The following ANO3 variants were observed in gnomAD, a reference collection of about 807,000 sequenced individuals.
ANO3 encodes anoctamin 3, also known as anoctamin-3.
Under a neutral mutation model 144.8 loss-of-function variants are expected in ANO3, and 99 were observed. The observed-to-expected ratio is 0.68, with a 90% CI of 0.58 to 0.81. The LOEUF is 0.81. Among genes scored for constraint, ANO3 ranks in the 30% least tolerant of loss-of-function variants. The pLI, the probability that ANO3 is intolerant of heterozygous loss-of-function variation, is 0.00. For missense variants in ANO3, 905 were observed against 1,202.2 expected, an observed-to-expected ratio of 0.75 and a Z score of 3.66; for synonymous variants, 414 against 392.6, an observed-to-expected ratio of 1.05 and a Z score of -0.64.
chr11:26,629,084 G>A (rs986898898), intron 18 of ANO3, among the ~76,000 whole-genome samples: 2 of 152,114 alleles, frequency 1.3e-5, no homozygotes, highest in Non-Finnish European at 2.9e-5. Context: ...ACTTGGAGGA[G>A]TAGTTCACTG....
intron 16 of ANO3, 74 bp from the exon 17 acceptor site, chr11:26,599,476 T>A: frequency 7.0e-7 from 1 of 1,429,426 alleles, no homozygotes; most frequent in Non-Finnish European, 9.6e-7. Context: ...GACAGTAGAT[T>A]TGATCTACGG....
chr11:26,525,373 G>T (rs1849135434), intron 6 of ANO3, among the ~76,000 whole-genome samples: 1 of 151,028 alleles, frequency 6.6e-6, no homozygotes, highest in Admixed American at 6.6e-5. Flanking sequence ...TCAATAAATA[G>T]AATTAAAAAT....
At chr11:26,411,461 A>G (rs2133986234) in intron 1 of ANO3, among the ~76,000 whole-genome samples, 1 of 152,076 alleles carries the variant, frequency 6.6e-6, no homozygotes, top group African/African-American at 2.4e-5. Context: ...CAAATATTAG[A>G]TAGTATAGAA....
At chr11:26,374,437 C>G (rs1416915592) in intron 1 of ANO3, among the ~76,000 whole-genome samples, 2 of 152,116 alleles carry the variant, frequency 1.3e-5, no homozygotes, top group African/African-American at 4.8e-5. Flanking sequence ...AGGCTCTTGT[C>G]TACTACTGGA....
At chr11:26,329,658 C>G (rs3824857), upstream of ANO3, among the ~76,000 whole-genome samples, 54,542 of 152,036 alleles carry the variant, frequency 0.36, 11,574 homozygotes, top group Admixed American at 0.51. Flanking sequence ...GGTTCAAAAT[C>G]TCAACTCATT....
intron 5 of ANO3, among the ~76,000 whole-genome samples, chr11:26,509,101 C>CTT (rs1429547098): frequency 1.8e-5 from 2 of 108,954 alleles, no homozygotes; most frequent in African/African-American, 6.4e-5. Context: ...CTATCTCTCT[C>CTT]TCTCTATATA....
chr11:26,386,250 G>A (rs1450638701), intron 1 of ANO3, among the ~76,000 whole-genome samples: 2 of 152,106 alleles, frequency 1.3e-5, no homozygotes, highest in East Asian at 3.9e-4. Context: ...TGAATAAGTA[G>A]GAATATATCA....
chr11:26,608,715 CTCTGGCTGCAG>C (rs1335295629), intron 17 of ANO3, among the ~76,000 whole-genome samples: 1 of 152,122 alleles, frequency 6.6e-6, no homozygotes, highest in Non-Finnish European at 1.5e-5. Flanking sequence ...TGAAGAGGTA[CTCTGGCTGCAG>C]TCTGCCACAG....
At chr11:26,542,479 T>G (rs193122803) in intron 11 of ANO3, among the ~76,000 whole-genome samples, 2 of 152,098 alleles carry the variant, frequency 1.3e-5, no homozygotes, top group East Asian at 3.9e-4. Context: ...CCTTCTACCT[T>G]TGAGTGGTCT....
chr11:26,193,510 C>T (rs1025887338), intron 1 of ANO3, among the ~76,000 whole-genome samples: 25 of 152,138 alleles, frequency 1.6e-4, no homozygotes, highest in Admixed American at 6.6e-5. Flanking sequence ...CTTCCACATT[C>T]TCATGTTTCA....
At chr11:26,210,531 C>T (rs34006492) in intron 1 of ANO3, among the ~76,000 whole-genome samples, 46,002 of 151,952 alleles carry the variant, frequency 0.3, 7,707 homozygotes, top group Non-Finnish European at 0.37. Flanking sequence ...AAGTGAATGG[C>T]AGCTTCATGA....
intron 11 of ANO3, among the ~76,000 whole-genome samples, chr11:26,544,273 T>TATATATATATATACACACACACACAC: frequency 5.1e-5 from 3 of 58,564 alleles, no homozygotes; most frequent in African/African-American, 1.5e-4. Flanking sequence ...TATATATATA[T>TATATATATATATACACACACACACAC]ACACACATAC....
intron 6 of ANO3, among the ~76,000 whole-genome samples, chr11:26,523,603 C>G (rs1211843295): frequency 6.6e-6 from 1 of 151,600 alleles, no homozygotes; most frequent in Non-Finnish European, 1.5e-5. Context: ...AGTTAATGCT[C>G]TCAGAAGAGA....
intron 11 of ANO3, among the ~76,000 whole-genome samples, chr11:26,543,349 C>G (rs1046758787): frequency 1.3e-5 from 2 of 151,958 alleles, no homozygotes; most frequent in Non-Finnish European, 2.9e-5. Context: ...GGGAACAAAG[C>G]TTATAGAGTC....
At chr11:26,381,561 T>G (rs1482919192) in intron 1 of ANO3, among the ~76,000 whole-genome samples, 1 of 152,204 alleles carries the variant, frequency 6.6e-6, no homozygotes, top group Non-Finnish European at 1.5e-5. Context: ...TCTCATCCCA[T>G]TTGAATGTAA....
chr11:26,344,402 G>A (rs1382105115), intron 1 of ANO3, among the ~76,000 whole-genome samples: 7 of 132,546 alleles, frequency 5.3e-5, no homozygotes, highest in Non-Finnish European at 9.2e-5. Context: ...GTCTCACTCT[G>A]TCGCCCAGGC....
Position 26,567,153 on chromosome 11 carries a change from G to A in ANO3, c.1447+7374G>A, listed in dbSNP as rs922863320. The A allele has an allele frequency of 2.9e-6, 4 of 1,380,466 alleles. No homozygotes were observed. The Admixed American group carries it at 1.1e-4, about 39-fold the overall frequency. The allele number at this position is 1,380,466 out of a possible 1,614,324, so 85.5% of individuals were successfully genotyped here. A position where few individuals can be genotyped will look rare whatever the true frequency, so the allele number is the denominator to read the frequency against. On this transcript the variant is annotated intron_variant, in intron 14 of 26. Coordinates refer to ENST00000256737, the MANE Select transcript of ANO3 (RefSeq NM_031418.4). ...TAGTAACAGAAGCTGGAAAATGGAA[G>A]AGGCAATATTTAAAGCCAAGTCAAC...
At chr11:26,215,286 A>G (rs536455787) in intron 1 of ANO3, among the ~76,000 whole-genome samples, 1 of 152,108 alleles carries the variant, frequency 6.6e-6, no homozygotes, top group Admixed American at 6.6e-5. Flanking sequence ...ATTTGTTTAT[A>G]TAACTGCTTA....
At chr11:26,237,747 G>A (rs1852566303) in intron 1 of ANO3, among the ~76,000 whole-genome samples, 1 of 152,008 alleles carries the variant, frequency 6.6e-6, no homozygotes, top group African/African-American at 2.4e-5. Flanking sequence ...CTTAATAGTA[G>A]AAAAGTTATA....
Sources: gnomAD v4.1 joint callset for allele counts (sites outside exome capture counted in the v4.1 genomes callset) on GRCh38, gnomAD v4.1.1 for gene constraint, MANE v1.5 for transcripts, NCBI Gene and HGNC (gene_info 2026-07-23, HGNC 2026-07-21) for gene names.